Variants in CYTH1 observed in about 807,000 individuals in gnomAD.
CYTH1 encodes the protein cytohesin 1.
CYTH1 carries 18 observed loss-of-function variants against 61.8 expected under a neutral mutation model. The ratio of observed to expected loss-of-function variants is 0.29; its 90% CI spans 0.20 to 0.43. The LOEUF is 0.43. Ranked by LOEUF, CYTH1 falls within the 20% of genes least tolerant of loss-of-function variation. The pLI is 1.00. For missense variants in CYTH1, 336 were observed against 510.5 expected (o/e 0.66, Z 3.29); for synonymous variants, 174 against 184.3 (o/e 0.94, Z 0.45).
Position 78,699,029 on chromosome 17 carries a change from A to T in CYTH1, c.551-61T>A. ...ATGCTCAGATGTTCAGAAACATCCCACCCGCAAGAGCAAGAGTGGTATCAG... is the reference window on the plus strand; with the variant it reads ...ATGCTCAGATGTTCAGAAACATCCCTCCCGCAAGAGCAAGAGTGGTATCAG... On this transcript the variant is annotated intron_variant, in intron 7 of 13. Transcript: ENST00000446868. 4 of 1,575,620 alleles carry T rather than the reference A, an allele frequency of 2.5e-6. No homozygotes were observed. The South Asian group carries it at 4.7e-5, about 18-fold the overall frequency.
intron 1 of CYTH1, among the ~76,000 whole-genome samples, chr17:78,767,781 C>T (rs2093455117): frequency 1.3e-5 from 2 of 151,650 alleles, no homozygotes; most frequent in South Asian, 2.1e-4. Flanking sequence ...GAGCAAGTCT[C>T]GGACATGCTG....
chr17:78,762,170 G>T (rs553247533), intron 1 of CYTH1, among the ~76,000 whole-genome samples: 1 of 152,236 alleles, frequency 6.6e-6, no homozygotes, highest in South Asian at 2.1e-4. Context: ...TTTACTCTCA[G>T]AGTACAAAAA....
At chr17:78,768,508 G>A (rs1201831368) in intron 1 of CYTH1, among the ~76,000 whole-genome samples, 2 of 152,198 alleles carry the variant, frequency 1.3e-5, no homozygotes, top group Non-Finnish European at 2.9e-5. Flanking sequence ...TCTCCAAGCA[G>A]TCATCCAAAG....
chr17:78,677,402 G>A (rs751667922), intron 13 of CYTH1: 3 of 201,128 alleles, frequency 1.5e-5, no homozygotes, highest in African/African-American at 2.4e-5. Context: ...GCCCTGCCTG[G>A]CCCTGCCTGC....
intron 1 of CYTH1, among the ~76,000 whole-genome samples, chr17:78,752,515 C>T (rs1485190510): frequency 1.3e-5 from 2 of 152,162 alleles, no homozygotes; most frequent in African/African-American, 2.4e-5. Context: ...TCACCACAAC[C>T]TCCGTCTCCT....
chr17:78,769,416 A>G (rs1355382596), intron 1 of CYTH1, among the ~76,000 whole-genome samples: 2 of 151,996 alleles, frequency 1.3e-5, no homozygotes, highest in African/African-American at 4.8e-5. Context: ...ACTTCTTTGC[A>G]ATGTTCTCCT....
Position 78,742,301 on chromosome 17 carries a change from C to T in CYTH1, c.23-32569G>A, listed in dbSNP as rs147018745. ...TGCCCTGCTGGGCCAGTGGCTCATG[C>T]CTATAATCCCAGGCCTTTAGGAGGC... On this transcript the variant is annotated intron_variant, in intron 1 of 13. Coordinates refer to ENST00000446868, the MANE Select transcript of CYTH1 (RefSeq NM_004762.6). Among the ~76,000 whole-genome samples the T allele has an allele frequency of 1.4e-3, 213 of 152,336 alleles. 2 individuals carry two copies. Among genetic ancestry groups the T allele is most frequent in the African/African-American group, 5.0e-3 (206 of 41,574 alleles).
intron 11 of CYTH1, among the ~76,000 whole-genome samples, chr17:78,688,623 C>T (rs906291124): frequency 3.9e-5 from 6 of 152,210 alleles, no homozygotes; most frequent in South Asian, 2.1e-4. Flanking sequence ...CGGTTAGACA[C>T]GAAGAATGAT....
chr17:78,699,321 G>A (rs903656433), intron 7 of CYTH1, among the ~76,000 whole-genome samples: 2 of 150,866 alleles, frequency 1.3e-5, no homozygotes, highest in South Asian at 2.1e-4. Context: ...CCGAGATAGC[G>A]CCACTGCACT....
chr17:78,766,524 G>T (rs905263667), intron 1 of CYTH1, among the ~76,000 whole-genome samples: 1 of 152,094 alleles, frequency 6.6e-6, no homozygotes, highest in Non-Finnish European at 1.5e-5. Context: ...AATGCTACCC[G>T]GGGGATTAAG....
chr17:78,696,788 A>G (rs1296788769), intron 9 of CYTH1: 2 of 152,262 alleles, frequency 1.3e-5, no homozygotes, highest in African/African-American at 4.8e-5. Flanking sequence ...TGGGCTGTCA[A>G]AGCTAACACT....
intron 10 of CYTH1, 81 bp from the exon 11 acceptor site, chr17:78,692,574 TTCTC>T: frequency 1.9e-5 from 25 of 1,344,290 alleles, no homozygotes; most frequent in Non-Finnish European, 2.7e-5. Flanking sequence ...ACACCCTCTC[TTCTC>T]AGAGAGGGTT....
chr17:78,702,673 T>C (rs2093024481), intron 3 of CYTH1, 69 bp from the exon 4 acceptor site: 2 of 1,470,528 alleles, frequency 1.4e-6, no homozygotes, highest in African/African-American at 1.4e-5. Flanking sequence ...ACTAATATGA[T>C]TTCCACTGAT....
At chr17:78,715,653 G>C (rs2093174640) in intron 1 of CYTH1, among the ~76,000 whole-genome samples, 1 of 152,160 alleles carries the variant, frequency 6.6e-6, no homozygotes, top group African/African-American at 2.4e-5. Flanking sequence ...TGGGCAACAG[G>C]AAAAACTCAA....
chr17:78,676,545 G>A (rs1451099706), intron 13 of CYTH1: 2 of 284,306 alleles, frequency 7.0e-6, no homozygotes, highest in Admixed American at 5.0e-5. Context: ...CGAGTGCCAC[G>A]TAATCAAGCC....
chr17:78,696,452 T>C (rs2092939614), intron 9 of CYTH1, among the ~76,000 whole-genome samples: 1 of 152,272 alleles, frequency 6.6e-6, no homozygotes, highest in East Asian at 1.9e-4. Flanking sequence ...TGAGTACACA[T>C]GTACTGATGT....
At position 78,733,132 on chromosome 17, in the gene CYTH1, G is replaced by A. The variant is rs56900684; in HGVS notation, c.23-23400C>T. Among the ~76,000 whole-genome samples the A allele has an allele frequency of 5.8e-3, 831 of 143,002 alleles. 38 individuals are homozygous for A. In the East Asian group the frequency reaches 0.11, roughly 19 times the overall value. The allele number at this position is 143,002 out of a possible 152,430, so 93.8% of individuals were successfully genotyped here. A position where few individuals can be genotyped will look rare whatever the true frequency, so the allele number is the denominator to read the frequency against. On this transcript the variant is annotated intron_variant, in intron 1 of 13. Coordinates refer to ENST00000446868, the MANE Select transcript of CYTH1 (RefSeq NM_004762.6). ...GGATAACATGGAAAGTTCACGTCAA[G>A]GACAGCATTTTAGAAGCAATCTGAA...
chr17:78,766,211 G>C (rs1444201072), intron 1 of CYTH1, among the ~76,000 whole-genome samples: 1 of 151,726 alleles, frequency 6.6e-6, no homozygotes, highest in East Asian at 1.9e-4. Context: ...ACATTATTCT[G>C]CTAGTGTTCT....
chr17:78,725,144 T>TA (rs1286483201), intron 1 of CYTH1, among the ~76,000 whole-genome samples: 11 of 152,124 alleles, frequency 7.2e-5, no homozygotes, highest in Non-Finnish European at 2.9e-5. Flanking sequence ...AGTACTCAGT[T>TA]ACATCTCTTT....
Sources: gnomAD v4.1 joint callset for allele counts (sites outside exome capture counted in the v4.1 genomes callset) on GRCh38, gnomAD v4.1.1 for gene constraint, MANE v1.5 for transcripts, NCBI Gene and HGNC (gene_info 2026-07-23, HGNC 2026-07-21) for gene names.